BTAF1: variants seen among roughly 807,000 people sequenced by gnomAD.
BTAF1 encodes the protein B-TFIID TATA-box binding protein associated factor 1.
BTAF1 carries 38 observed loss-of-function variants against 227.1 expected under a neutral mutation model. That is an observed-to-expected ratio of 0.17 (90% CI 0.13 to 0.22). The LOEUF (loss-of-function observed/expected upper bound fraction) is 0.22. Ranked by LOEUF, BTAF1 falls within the 10% of genes least tolerant of loss-of-function variation. The pLI, the probability that BTAF1 is intolerant of heterozygous loss-of-function variation, is 1.00. For missense variants in BTAF1, 1,598 were observed against 2,204.0 expected, an observed-to-expected ratio of 0.73 and a Z score of 5.51; for synonymous variants, 742 against 751.9, an observed-to-expected ratio of 0.99 and a Z score of 0.21.
Position 91,996,502 on chromosome 10 carries a change from A to C in BTAF1, c.3443A>C (p.Lys1148Thr), listed in dbSNP as rs770972779. The change falls in exon 24 of 38, where the codon AAG (lysine) becomes ACG (threonine). Residue 1148 changes from lysine to threonine, a missense_variant. Around this residue, in one of 10 missense-constraint regions of BTAF1, gnomAD observed 425 missense variants for 491.2 expected, o/e 0.87. Coordinates refer to ENST00000265990, the MANE Select transcript of BTAF1 (RefSeq NM_003972.3). ...GAAACAATGAATATTTTTTTGGAGA[A>C]GGTTCTTCCGTGGCTGGGAGCAATT... ...TMETMNIFLE[K>T]VLPWLGAIDD... 1.9e-6 allele frequency: 3 copies of C among 1,614,008 alleles called. No homozygotes were observed. In the African/African-American group the frequency reaches 4.0e-5, roughly 22 times the overall value.
rs1564728033 is a variant in BTAF1 at position 92,026,762 on chromosome 10, AT to A, written c.5235+15del. On this transcript the variant is annotated intron_variant, in intron 36 of 37. Transcript: ENST00000265990. ...CATCGCATTGGGCAGGTAAAAGTCA[AT>A]TTTACCTCACAGATGTTAACCTGTG... The A allele has an allele frequency of 3.1e-6, 5 of 1,609,104 alleles. No individual in the cohort carries two copies. In the South Asian group the frequency reaches 5.5e-5, roughly 18 times the overall value.
At chr10:91,942,301 T>TGTGTGA in intron 3 of BTAF1, 121 bp from the exon 4 acceptor site, 1 of 95,822 alleles carries the variant, frequency 1.0e-5, no homozygotes, top group Admixed American at 1.4e-4. Flanking sequence ...AAAAAGTTTG[T>TGTGTGA]GTGTGTGTGT....
intron 1 of BTAF1, among the ~76,000 whole-genome samples, chr10:91,929,360 TTATAA>T (rs1285526693): frequency 2.0e-5 from 3 of 152,226 alleles, no homozygotes; most frequent in East Asian, 1.9e-4. Flanking sequence ...TAGACAGTAC[TTATAA>T]TATGACTGTT....
chr10:92,008,278 A>T lies in BTAF1; in HGVS notation c.3813+3A>T. 6.4e-7 allele frequency: 1 copy of T among 1,571,776 alleles called. No individual in the cohort carries two copies. The highest frequency in any genetic ancestry group is 8.6e-7 in the Non-Finnish European group (1 of 1,168,614). On this transcript the variant is annotated splice_donor_region_variant and intron_variant, in intron 26 of 37. Coordinates refer to ENST00000265990, the MANE Select transcript of BTAF1 (RefSeq NM_003972.3). ...CTGAACTCAGAAAATATCAGCAGGT[A>T]AGTTTTATACAATAGTGAGTTTTCC...
At chr10:91,986,789 T>G (rs1417632010) in intron 19 of BTAF1, among the ~76,000 whole-genome samples, 1 of 152,194 alleles carries the variant, frequency 6.6e-6, no homozygotes, top group Non-Finnish European at 1.5e-5. Context: ...TCAGTTGTTT[T>G]GACTTGGGCT....
intron 33 of BTAF1, among the ~76,000 whole-genome samples, chr10:92,018,042 A>T (rs1193559814): frequency 6.6e-6 from 1 of 152,056 alleles, no homozygotes. Context: ...ACTGAATCAG[A>T]ATAATGTGTA....
chr10:91,926,045 T>G (rs545002219), intron 1 of BTAF1, among the ~76,000 whole-genome samples: 2 of 152,150 alleles, frequency 1.3e-5, no homozygotes, highest in Non-Finnish European at 2.9e-5. Context: ...TTTGAGACAC[T>G]TGTGTGTTTT....
rs1398374347 is a variant in BTAF1, at chr10:92,030,559, A to C, written c.*1626A>C. Among the ~76,000 whole-genome samples the C allele has an allele frequency of 2.0e-5, 3 of 152,190 alleles. No homozygotes were observed. The highest frequency in any genetic ancestry group is 7.2e-5 in the African/African-American group (3 of 41,466). ...ATTTTCTTAGAATAAGTACAGAGCA[A>C]TATATCATTAAAGGGCTATGAAGGG... is the stretch of plus-strand genomic sequence containing the variant. On this transcript the variant is annotated 3_prime_UTR_variant, in exon 38 of 38. Transcript: ENST00000265990.
intron 13 of BTAF1, among the ~76,000 whole-genome samples, chr10:91,965,144 AAAG>A: frequency 6.6e-6 from 1 of 152,212 alleles, no homozygotes; most frequent in East Asian, 1.9e-4. Flanking sequence ...TATAAAAGCA[AAAG>A]AAGAGAAAAA....
chr10:91,942,834 T>A (rs746363989), intron 4 of BTAF1, among the ~76,000 whole-genome samples: 1 of 152,178 alleles, frequency 6.6e-6, no homozygotes, highest in Admixed American at 6.5e-5. Context: ...AATTTTATTA[T>A]GTAGTATGGA....
At chr10:92,027,904 A>G (rs1341880607) in intron 37 of BTAF1, among the ~76,000 whole-genome samples, 1 of 152,196 alleles carries the variant, frequency 6.6e-6, no homozygotes, top group Non-Finnish European at 1.5e-5. Flanking sequence ...AGTATAAATT[A>G]TGGTGGGGTA....
At position 91,996,412 on chromosome 10, in the gene BTAF1, C is replaced by G; in HGVS notation, c.3353C>G (p.Pro1118Arg). 6.2e-7 allele frequency: 1 copy of G among 1,614,066 alleles called. No homozygotes were observed. Among genetic ancestry groups the G allele is most frequent in the East Asian group, 2.2e-5 (1 of 44,876 alleles). The change falls in exon 24 of 38, where the codon CCC (proline) becomes CGC (arginine). Residue 1118 changes from proline (P) to arginine (R), a missense_variant. By Grantham distance (103) the Pro-to-Arg change is moderately radical (BLOSUM62 -2). This residue lies in a region of BTAF1 where 425 missense variants were observed against 491.2 expected (regional missense o/e 0.87). Transcript: ENST00000265990. ...LPHLYMCLQY[P>R]STAVRHMAAR... ...CATCTTTATATGTGCCTTCAATACCCCAGTACTGCAGTGAGGCACATGGCT... is the reference window on the plus strand; with the variant it reads ...CATCTTTATATGTGCCTTCAATACCGCAGTACTGCAGTGAGGCACATGGCT...
intron 25 of BTAF1, among the ~76,000 whole-genome samples, chr10:92,003,331 A>G (rs1197574146): frequency 6.6e-6 from 1 of 152,196 alleles, no homozygotes; most frequent in Non-Finnish European, 1.5e-5. Context: ...CATGCTGTAC[A>G]GATCTACAGA....
At chr10:91,974,791 G>T (rs1426623822) in intron 14 of BTAF1, among the ~76,000 whole-genome samples, 1 of 152,172 alleles carries the variant, frequency 6.6e-6, no homozygotes, top group Non-Finnish European at 1.5e-5. Flanking sequence ...GGCAGAGGTT[G>T]CAATGAGCCG....
intron 13 of BTAF1, among the ~76,000 whole-genome samples, chr10:91,964,961 T>C (rs1846789750): frequency 6.6e-6 from 1 of 152,190 alleles, no homozygotes; most frequent in African/African-American, 2.4e-5. Context: ...TCAGTGAATG[T>C]TCATATAAAT....
intron 6 of BTAF1, among the ~76,000 whole-genome samples, chr10:91,954,772 G>A (rs1349779240): frequency 6.6e-6 from 1 of 152,070 alleles, no homozygotes; most frequent in Non-Finnish European, 1.5e-5. Flanking sequence ...TGCCTAGGCT[G>A]GTCTCTAACT....
At chr10:91,983,816 T>C (rs547574103) in intron 18 of BTAF1, among the ~76,000 whole-genome samples, 6 of 152,300 alleles carry the variant, frequency 3.9e-5, no homozygotes, top group African/African-American at 1.4e-4. Context: ...CATGTGAAGC[T>C]TAGGGTTCAA....
chr10:91,961,157 T>C (rs1461151428), intron 11 of BTAF1, among the ~76,000 whole-genome samples: 1 of 152,048 alleles, frequency 6.6e-6, no homozygotes, highest in Non-Finnish European at 1.5e-5. Context: ...AAAGAGTGAG[T>C]ATTGACGAAA....
chr10:91,964,534 C>T (rs1846743593), intron 13 of BTAF1, among the ~76,000 whole-genome samples: 1 of 152,072 alleles, frequency 6.6e-6, no homozygotes, highest in African/African-American at 2.4e-5. Flanking sequence ...TATTTAGTAA[C>T]ATTTAGTTAA....
Sources: allele counts gnomAD v4.1 joint callset (sites outside exome capture counted in the v4.1 genomes callset), GRCh38; gene constraint gnomAD v4.1.1; regional missense constraint gnomAD v4.1.1; transcripts MANE v1.5; gene names NCBI Gene and HGNC (gene_info 2026-07-23, HGNC 2026-07-21).